Variants in KCNC4 observed in about 807,000 individuals in gnomAD.
The protein encoded by KCNC4 is voltage-gated potassium channel KCNC4.
In KCNC4, 23 loss-of-function variants were observed where a neutral mutation model predicts 42.8. The observed-to-expected ratio is 0.54, with a 90% CI of 0.39 to 0.76. The LOEUF (loss-of-function observed/expected upper bound fraction) is 0.76, where lower values mean the gene tolerates loss of function less well. KCNC4 is among the 30% of genes least tolerant of loss of function. KCNC4 has a pLI of 0.00. For missense variants in KCNC4, 751 were observed against 898.2 expected, an observed-to-expected ratio of 0.84 and a Z score of 2.10; for synonymous variants, 422 against 393.5, an observed-to-expected ratio of 1.07 and a Z score of -0.86.
chr1:110,267,663 T>A (rs1381285116), intron 1 of KCNC4, among the ~76,000 whole-genome samples: 1 of 152,190 alleles, frequency 6.6e-6, no homozygotes, highest in Non-Finnish European at 1.5e-5. Flanking sequence ...TTCTTAATCC[T>A]CCTTGCCCCA....
chr1:110,239,671 T>A (rs1173357422), exon 4 of KCNC4: 2 of 152,212 alleles, frequency 1.3e-5, no homozygotes, highest in African/African-American at 4.8e-5. Context: ...TCCAGCTGGC[T>A]TTTGCACCTC....
rs921360932 is a variant in KCNC4, at chr1:110,227,275, A to G, written c.1819+1097A>G. On this transcript the variant is annotated intron_variant, in intron 3 of 3. Coordinates refer to ENST00000438661, the MANE Select transcript of KCNC4 (RefSeq NM_001039574.3). ...GCCTCTGTCCCTCTGAAGATGTCCCAATGTCCCGTGGCCTGCCAGCCCATG... is the reference window on the plus strand; with the variant it reads ...GCCTCTGTCCCTCTGAAGATGTCCCGATGTCCCGTGGCCTGCCAGCCCATG... Among the ~76,000 whole-genome samples the G allele has an allele frequency of 3.3e-5, 5 of 152,092 alleles. No individual in the cohort carries two copies. In the East Asian group the frequency reaches 9.7e-4, roughly 29 times the overall value.
Position 110,211,958 on chromosome 1 carries a change from C to T in KCNC4, c.459C>T (p.Asp153=). ...CCWMTYRQHR[D]AEEALDIFES... is the part of the protein sequence containing the mutation. The stretch of plus-strand genomic sequence containing the variant: ...GGATGACCTACCGGCAGCACCGCGA[C>T]GCCGAGGAGGCGCTCGACATCTTCG... The change falls in exon 1 of 4, where the codon GAC becomes GAT. Residue 153 remains aspartate (D), a synonymous_variant. Coordinates refer to ENST00000438661, the MANE Select transcript of KCNC4 (RefSeq NM_001039574.3). This position sits in a 1 kb window ranked among gnomAD's most constrained non-coding sequence, Gnocchi z 6.5. 1.2e-6 allele frequency: 2 copies of T among 1,611,212 alleles called. No homozygotes were observed. The highest frequency in any genetic ancestry group is 2.2e-5 in the East Asian group (1 of 44,828).
At chr1:110,275,954 C>CAAAAAA (rs61372696) in intron 1 of KCNC4, among the ~76,000 whole-genome samples, 2 of 106,232 alleles carry the variant, frequency 1.9e-5, no homozygotes, top group African/African-American at 3.7e-5. Context: ...GACTCCGCCT[C>CAAAAAA]AAAAAAAAAA....
At chr1:110,215,487 C>T (rs1426322660) in intron 1 of KCNC4, among the ~76,000 whole-genome samples, 2 of 152,230 alleles carry the variant, frequency 1.3e-5, no homozygotes, top group African/African-American at 4.8e-5. Flanking sequence ...ATGCCCTTCC[C>T]CTACCCTAGT....
intron 1 of KCNC4, among the ~76,000 whole-genome samples, chr1:110,278,308 T>C (rs753354109): frequency 6.6e-6 from 1 of 152,160 alleles, no homozygotes; most frequent in South Asian, 2.1e-4. Flanking sequence ...ATTGAGATGA[T>C]ATGAGTCAAT....
At chr1:110,228,869 G>C (rs935460820) in intron 3 of KCNC4, 1 of 152,248 alleles carries the variant, frequency 6.6e-6, no homozygotes, top group Non-Finnish European at 1.5e-5. Context: ...CTTCCCAAAA[G>C]GTTCAGCTCT....
Position 110,212,757 on chromosome 1 carries a change from C to T in KCNC4, c.678+580C>T, listed in dbSNP as rs3754436. Among the ~76,000 whole-genome samples the T allele has an allele frequency of 5.2e-4, 79 of 152,306 alleles. 1 individual carries two copies. In the East Asian group the frequency reaches 0.015, roughly 28 times the overall value. ...CAAAGCTGAGACCACAATCCGGCCT[C>T]CTTTCCAGGTTTAAGAAAGGCATTC... On this transcript the variant is annotated intron_variant, in intron 1 of 3. Coordinates refer to ENST00000438661, the MANE Select transcript of KCNC4 (RefSeq NM_001039574.3).
At chr1:110,266,211 T>A (rs1444462383) in intron 1 of KCNC4, among the ~76,000 whole-genome samples, 1 of 152,180 alleles carries the variant, frequency 6.6e-6, no homozygotes, top group Non-Finnish European at 1.5e-5. Flanking sequence ...ACTGGCTTTG[T>A]GGTAACCAGA....
rs1658747129 is a variant in KCNC4, at chr1:110,232,497, T to A, written c.1820-414T>A. 21 of 1,439,324 alleles carry A rather than the reference T, an allele frequency of 1.5e-5. No individual in the cohort carries two copies. The South Asian group carries it at 2.8e-4, about 19-fold the overall frequency. The allele number at this position is 1,439,324 out of a possible 1,614,324, so 89.2% of individuals were successfully genotyped here. The stretch of plus-strand genomic sequence containing the variant: ...CACATCAGGAACTTTCCCCACTGCC[T>A]CCATGCAAGGCTGCAGAGCTATGGT... On this transcript the variant is annotated intron_variant, in intron 3 of 3. Transcript: ENST00000438661.
intron 1 of KCNC4, among the ~76,000 whole-genome samples, chr1:110,280,494 G>A (rs4838977): frequency 0.28 from 42,195 of 151,704 alleles, 6,220 homozygotes; most frequent in Admixed American, 0.42. Context: ...TAGGAAACAG[G>A]TCCTCAGTCT....
chr1:110,262,431 CT>C (rs1373619550), intron 1 of KCNC4, among the ~76,000 whole-genome samples: 2 of 152,214 alleles, frequency 1.3e-5, no homozygotes, highest in Non-Finnish European at 2.9e-5. Context: ...CTTCTTCTTT[CT>C]GTGCCTTTCC....
Position 110,256,267 on chromosome 1 carries a change from C to T in KCNC4, n.31-26267C>T, listed in dbSNP as rs549139766. On this transcript the variant is annotated intron_variant and non_coding_transcript_variant, in intron 1 of 2. Coordinates refer to the KCNC4 transcript ENST00000412512. ...CAAGGCTCCAAGAGGCTATGAAACCCACCTACAGTTACAAAGCTATTAAGG... is the reference window on the plus strand; with the variant it reads ...CAAGGCTCCAAGAGGCTATGAAACCTACCTACAGTTACAAAGCTATTAAGG... 3.4e-4 allele frequency among the ~76,000 whole-genome samples: 52 copies of T among 152,308 alleles called. 1 individual carries two copies. The highest frequency in any genetic ancestry group is 1.7e-3 in the South Asian group (8 of 4,824).
chr1:110,251,876 G>A (rs373482891), downstream of KCNC4, among the ~76,000 whole-genome samples: 37 of 152,324 alleles, frequency 2.4e-4, no homozygotes, highest in African/African-American at 8.4e-4. Flanking sequence ...GTTTGACCCC[G>A]GTGTTTCTGT....
Position 110,233,187 on chromosome 1 carries a change from T to C in KCNC4, c.*215T>C. 1 of 611,340 alleles carries C rather than the reference T, an allele frequency of 1.6e-6. No individual in the cohort carries two copies. Among genetic ancestry groups the C allele is most frequent in the South Asian group, 2.0e-5 (1 of 50,526 alleles). 37.9% of individuals were successfully genotyped at this position (611,340 alleles called of 1,614,324 possible). On this transcript the variant is annotated 3_prime_UTR_variant, in exon 4 of 4. Coordinates refer to ENST00000438661, the MANE Select transcript of KCNC4 (RefSeq NM_001039574.3). ...TACATCGAAGAGATATATATGCACA[T>C]ATAGTATCTATATTCATACATATTA...
At chr1:110,242,485 G>A (rs1659050896) in exon 4 of KCNC4, 1 of 152,214 alleles carries the variant, frequency 6.6e-6, no homozygotes. Context: ...CTGGGCTTGA[G>A]GTTCCACATC....
intron 3 of KCNC4, among the ~76,000 whole-genome samples, chr1:110,228,229 G>A (rs1658507713): frequency 6.6e-6 from 1 of 152,186 alleles, no homozygotes; most frequent in South Asian, 2.1e-4. Flanking sequence ...GGAGGATGGT[G>A]GCAGGTGCTA....
At chr1:110,215,541 G>C (rs892310126) in intron 1 of KCNC4, among the ~76,000 whole-genome samples, 9 of 152,210 alleles carry the variant, frequency 5.9e-5, no homozygotes, top group African/African-American at 2.2e-4. Context: ...TCAGCTATCA[G>C]CCTTATTAAG....
chr1:110,283,763 CT>C (rs567946612), downstream of KCNC4, among the ~76,000 whole-genome samples: 130 of 152,288 alleles, frequency 8.5e-4, no homozygotes, highest in African/African-American at 2.8e-3. Context: ...ATTGTTAATG[CT>C]TAGCTGTTGT....
Sources: allele counts gnomAD v4.1 joint callset (sites outside exome capture counted in the v4.1 genomes callset), GRCh38; gene constraint gnomAD v4.1.1; non-coding constraint Gnocchi (gnomAD v3.1); transcripts MANE v1.5; gene names NCBI Gene and HGNC (gene_info 2026-07-23, HGNC 2026-07-21).